PDE10A: variants seen among roughly 807,000 people sequenced by gnomAD.
PDE10A encodes the protein phosphodiesterase 10A.
PDE10A carries 39 observed loss-of-function variants against 97.7 expected under a neutral mutation model. The observed-to-expected ratio is 0.40, with a 90% confidence interval of 0.31 to 0.52. PDE10A has a LOEUF of 0.52. Among genes scored for constraint, PDE10A ranks in the 20% least tolerant of loss-of-function variants. The pLI is 0.56. For missense variants in PDE10A, 731 were observed against 1,047.8 expected (o/e 0.70, Z 4.17); for synonymous variants, 371 against 376.8 (o/e 0.98, Z 0.18).
intron 1 of PDE10A, among the ~76,000 whole-genome samples, chr6:165,862,726 C>T (rs562946473): frequency 2.0e-5 from 3 of 149,706 alleles, no homozygotes; most frequent in African/African-American, 2.5e-5. Flanking sequence ...GTCACCCAGG[C>T]GGAGTGCAGT....
At chr6:165,804,826 G>GGCGGCGACAGCT (rs1779076466) in intron 1 of PDE10A, among the ~76,000 whole-genome samples, 1 of 151,850 alleles carries the variant, frequency 6.6e-6, no homozygotes, top group African/African-American at 2.4e-5. Flanking sequence ...GACAGGCGTG[G>GGCGGCGACAGCT]GCGGCGACAG....
At chr6:165,434,469 T>G (rs907915426) in intron 6 of PDE10A, among the ~76,000 whole-genome samples, 5 of 152,214 alleles carry the variant, frequency 3.3e-5, no homozygotes, top group African/African-American at 1.2e-4. Context: ...CATTAAAATG[T>G]CCACATGTAC....
intron 13 of PDE10A, among the ~76,000 whole-genome samples, chr6:165,396,904 T>C (rs563851375): frequency 1.5e-3 from 221 of 152,338 alleles, no homozygotes; most frequent in African/African-American, 5.0e-3. Context: ...TCATCTTCCT[T>C]GGGAAGGTTT....
intron 18 of PDE10A, among the ~76,000 whole-genome samples, chr6:165,357,552 T>C (rs1422232690): frequency 6.6e-6 from 1 of 152,112 alleles, no homozygotes; most frequent in Non-Finnish European, 1.5e-5. Flanking sequence ...TAAGATTAGA[T>C]TTCTTCAATG....
chr6:165,491,064 T>C (rs1217032149), intron 2 of PDE10A, among the ~76,000 whole-genome samples: 1 of 152,188 alleles, frequency 6.6e-6, no homozygotes, highest in Non-Finnish European at 1.5e-5. Context: ...AAAAAGATAT[T>C]ATGTGCAAAT....
At chr6:165,619,759 G>GCAGTGTAGTC in intron 1 of PDE10A, among the ~76,000 whole-genome samples, 1 of 151,994 alleles carries the variant, frequency 6.6e-6, no homozygotes, top group Non-Finnish European at 1.5e-5. Flanking sequence ...GTAGTCTAGT[G>GCAGTGTAGTC]TAGTGTAGAC....
chr6:165,442,009 A>T (rs903097085), intron 5 of PDE10A, among the ~76,000 whole-genome samples: 1 of 151,996 alleles, frequency 6.6e-6, no homozygotes, highest in African/African-American at 2.4e-5. Context: ...CATTATATCT[A>T]TTATTTGTTT....
intron 1 of PDE10A, among the ~76,000 whole-genome samples, chr6:165,865,061 C>T (rs1781003083): frequency 6.6e-6 from 1 of 152,194 alleles, no homozygotes; most frequent in Non-Finnish European, 1.5e-5. Context: ...GACTGCTCAG[C>T]CTACCACCAC....
intron 1 of PDE10A, among the ~76,000 whole-genome samples, chr6:165,608,379 C>T (rs559938762): frequency 1.1e-4 from 16 of 151,350 alleles, no homozygotes; most frequent in African/African-American, 2.7e-4. Flanking sequence ...TTTGTCCTTG[C>T]GATAGTTTGC....
chr6:165,349,892 A>G (rs1207887762), intron 18 of PDE10A, among the ~76,000 whole-genome samples: 1 of 152,212 alleles, frequency 6.6e-6, no homozygotes, highest in African/African-American at 2.4e-5. Context: ...AGAGAAGTCA[A>G]GAATTGAGGT....
chr6:165,839,986 TCTCCAACTC>T (rs1562762795), intron 1 of PDE10A, among the ~76,000 whole-genome samples: 11 of 4,356 alleles, frequency 2.5e-3, no homozygotes, highest in Admixed American at 5.0e-3. Flanking sequence ...CCCATCCCCA[TCTCCAACTC>T]CATCCCATCT....
At chr6:165,751,142 C>T (rs1379100453) in intron 1 of PDE10A, among the ~76,000 whole-genome samples, 2 of 152,152 alleles carry the variant, frequency 1.3e-5, no homozygotes, top group East Asian at 1.9e-4. Flanking sequence ...CGCTCACTGA[C>T]GTCACATTTC....
At chr6:165,709,648 A>C (rs1036193809) in intron 1 of PDE10A, among the ~76,000 whole-genome samples, 19 of 5,620 alleles carry the variant, frequency 3.4e-3, no homozygotes, top group South Asian at 0.021. Context: ...CTCCCCCGCC[A>C]CTCTCCACCC....
chr6:165,739,724 C>G (rs982174685), intron 1 of PDE10A, among the ~76,000 whole-genome samples: 59 of 152,126 alleles, frequency 3.9e-4, no homozygotes, highest in African/African-American at 1.4e-3. Context: ...AACCATACAT[C>G]CTATAAGGGG....
intron 1 of PDE10A, among the ~76,000 whole-genome samples, chr6:165,735,242 G>A (rs534734397): frequency 6.6e-6 from 1 of 151,796 alleles, no homozygotes; most frequent in South Asian, 2.1e-4. Flanking sequence ...CAGGTGGGTG[G>A]GTAGGTAGGT....
chr6:165,946,228 GGCTCATGCCTGT>G (rs1383796796), intron 1 of PDE10A, among the ~76,000 whole-genome samples: 2 of 152,222 alleles, frequency 1.3e-5, no homozygotes, highest in African/African-American at 4.8e-5. Context: ...CAGGCTCAGT[GGCTCATGCCTGT>G]AATCCCAGCA....
Position 165,332,965 on chromosome 6 carries a change from A to C in PDE10A, c.*60T>G. Reference sequence around the variant, plus strand: ...CCACCCCCCCCAAAAAAAGGAAAAGAATGTCAAAGAAGCAAGATGAGGATC... The same window carrying C: ...CCACCCCCCCCAAAAAAAGGAAAAGCATGTCAAAGAAGCAAGATGAGGATC... On this transcript the variant is annotated 3_prime_UTR_variant, in exon 22 of 22. Transcript: ENST00000539869. 1 of 614,340 alleles carries C rather than the reference A, an allele frequency of 1.6e-6. No individual in the cohort carries two copies. Among genetic ancestry groups the C allele is most frequent in the South Asian group, 1.4e-5 (1 of 70,160 alleles). 38.1% of individuals were successfully genotyped at this position (614,340 alleles called of 1,614,324 possible). A position where few individuals can be genotyped will look rare whatever the true frequency, so the allele number is the denominator to read the frequency against.
intron 1 of PDE10A, among the ~76,000 whole-genome samples, chr6:165,622,373 C>G (rs1289240474): frequency 6.6e-6 from 1 of 152,098 alleles, no homozygotes; most frequent in African/African-American, 2.4e-5. Context: ...GTGTGAACAT[C>G]ACAGAGTGGA....
At chr6:165,448,739 C>T (rs945392580) in intron 5 of PDE10A, among the ~76,000 whole-genome samples, 189 bp downstream of exon 5, 2 of 151,016 alleles carry the variant, frequency 1.3e-5, no homozygotes, top group Non-Finnish European at 3.0e-5. Context: ...CACACACACA[C>T]GATTTTATGC....
Sources: allele counts gnomAD v4.1 joint callset (sites outside exome capture counted in the v4.1 genomes callset), GRCh38; gene constraint gnomAD v4.1.1; transcripts MANE v1.5; gene names NCBI Gene and HGNC (gene_info 2026-07-23, HGNC 2026-07-21).